KCNIP4: variants seen among roughly 807,000 people sequenced by gnomAD.
KCNIP4 encodes the protein Kv channel-interacting protein 4.
In KCNIP4, 12 loss-of-function variants were observed where a neutral mutation model predicts 34.0. The ratio of observed to expected loss-of-function variants is 0.35; its 90% CI spans 0.23 to 0.57. The LOEUF (loss-of-function observed/expected upper bound fraction) is 0.57. Ranked by LOEUF, KCNIP4 falls within the 20% of genes least tolerant of loss-of-function variation. KCNIP4 has a pLI of 0.83. For synonymous variants in KCNIP4, 124 were observed against 102.2 expected (o/e 1.21, Z -1.29); for missense variants, 238 against 311.7 (o/e 0.76, Z 1.78).
intron 1 of KCNIP4, among the ~76,000 whole-genome samples, chr4:21,617,250 A>G (rs2109164441): frequency 6.6e-6 from 1 of 152,366 alleles, no homozygotes; most frequent in East Asian, 1.9e-4. Context: ...ATAAGAAAGT[A>G]AAATTCATTA....
chr4:20,769,070 G>GC (rs1436319986), intron 3 of KCNIP4, among the ~76,000 whole-genome samples: 1 of 107,842 alleles, frequency 9.3e-6, no homozygotes, highest in African/African-American at 4.1e-5. Context: ...GAGATTTACA[G>GC]CCAAAAAAAA....
chr4:21,421,131 G>T (rs116462005), intron 1 of KCNIP4, among the ~76,000 whole-genome samples: 1,546 of 152,212 alleles, frequency 0.01, 27 homozygotes, highest in African/African-American at 0.035. Flanking sequence ...AAAGAGAAAA[G>T]ATAGCTAGTG....
chr4:21,827,422 T>C (rs1390170346), intron 1 of KCNIP4, among the ~76,000 whole-genome samples: 1 of 151,986 alleles, frequency 6.6e-6, no homozygotes, highest in Non-Finnish European at 1.5e-5. Flanking sequence ...GAAGAAACAG[T>C]CCTAAGGCTT....
At chr4:21,279,575 A>T (rs149210729) in intron 1 of KCNIP4, among the ~76,000 whole-genome samples, 2,664 of 150,878 alleles carry the variant, frequency 0.018, 69 homozygotes, top group African/African-American at 0.061. Flanking sequence ...TAGAAACAAG[A>T]GCTAATATTA....
At chr4:21,776,234 C>A (rs1440380868) in intron 1 of KCNIP4, among the ~76,000 whole-genome samples, 5 of 152,184 alleles carry the variant, frequency 3.3e-5, no homozygotes, top group Non-Finnish European at 5.9e-5. Flanking sequence ...CCTCACTGTT[C>A]TTCCTTCTCT....
chr4:20,844,420 C>T (rs9994494), intron 3 of KCNIP4, among the ~76,000 whole-genome samples: 2,661 of 152,264 alleles, frequency 0.017, 72 homozygotes, highest in African/African-American at 0.057. Context: ...CTGAACAAAA[C>T]CAATTATTAC....
chr4:21,584,827 T>C (rs1741491197), intron 1 of KCNIP4, among the ~76,000 whole-genome samples: 1 of 152,050 alleles, frequency 6.6e-6, no homozygotes, highest in African/African-American at 2.4e-5. Flanking sequence ...GGGAGAAAAG[T>C]GCGAATTTGA....
chr4:21,948,489 G>T, intron 1 of KCNIP4, 82 bp downstream of exon 1: 1 of 1,462,098 alleles, frequency 6.8e-7, no homozygotes, highest in Non-Finnish European at 9.3e-7. Context: ...CCCCAGCCGA[G>T]GAAGGGAAGG....
chr4:21,741,657 C>T (rs60148141), intron 1 of KCNIP4, among the ~76,000 whole-genome samples: 3 of 152,108 alleles, frequency 2.0e-5, no homozygotes, highest in East Asian at 1.9e-4. Context: ...AAGACAGAAG[C>T]GTATTTATAG....
intron 1 of KCNIP4, among the ~76,000 whole-genome samples, chr4:21,116,857 C>T (rs1199271516): frequency 6.6e-6 from 1 of 152,202 alleles, no homozygotes; most frequent in South Asian, 2.1e-4. Flanking sequence ...ACCTTCATAA[C>T]CAGAAAAATA....
At chr4:21,092,464 TC>T (rs2109047048) in intron 1 of KCNIP4, among the ~76,000 whole-genome samples, 1 of 152,344 alleles carries the variant, frequency 6.6e-6, no homozygotes, top group African/African-American at 2.4e-5. Flanking sequence ...TTGCTTTTCT[TC>T]TTTTATATCT....
chr4:21,479,005 C>T (rs1478219239), intron 1 of KCNIP4, among the ~76,000 whole-genome samples: 2 of 152,160 alleles, frequency 1.3e-5, no homozygotes, highest in African/African-American at 4.8e-5. Context: ...TCCACAAATA[C>T]ATACAGACTA....
At chr4:21,485,323 C>T (rs543951721) in intron 1 of KCNIP4, among the ~76,000 whole-genome samples, 1 of 152,266 alleles carries the variant, frequency 6.6e-6, no homozygotes, top group East Asian at 1.9e-4. Context: ...GCCTAATGTC[C>T]AAAATTCTTA....
At chr4:21,227,603 T>G (rs1758494367) in intron 1 of KCNIP4, among the ~76,000 whole-genome samples, 1 of 152,190 alleles carries the variant, frequency 6.6e-6, no homozygotes, top group African/African-American at 2.4e-5. Flanking sequence ...TCTGTTCATT[T>G]ATCTTAAGTT....
intron 1 of KCNIP4, among the ~76,000 whole-genome samples, chr4:21,465,675 T>C (rs1729860328): frequency 6.6e-6 from 1 of 152,126 alleles, no homozygotes; most frequent in Non-Finnish European, 1.5e-5. Context: ...TCTTTTAATT[T>C]GGAGACCAGG....
intron 1 of KCNIP4, among the ~76,000 whole-genome samples, chr4:21,681,883 T>TA (rs1340161242): frequency 3.4e-5 from 5 of 146,046 alleles, no homozygotes; most frequent in Non-Finnish European, 7.4e-5. Context: ...CTTTTTTTTT[T>TA]ATTTTTATTT....
chr4:20,780,331 G>A (rs1345776954), intron 3 of KCNIP4, among the ~76,000 whole-genome samples: 4 of 152,142 alleles, frequency 2.6e-5, no homozygotes, highest in Non-Finnish European at 5.9e-5. Flanking sequence ...GAATGGAAAA[G>A]AAAATAATGG....
rs574364331 is a variant in KCNIP4 at position 20,990,802 on chromosome 4, A to G, written c.62-108093T>C. Among the ~76,000 whole-genome samples, 9 of 152,132 alleles carry G rather than the reference A, an allele frequency of 5.9e-5. No individual in the cohort carries two copies. In the South Asian group the frequency reaches 1.9e-3, roughly 32 times the overall value. On this transcript the variant is annotated intron_variant, in intron 1 of 8. Coordinates refer to ENST00000382152, the MANE Select transcript of KCNIP4 (RefSeq NM_025221.6). ...TGGCTCTCCTGTCATATCCCTTTTG[A>G]TGTAATCTCTCTGTAATAGGTGTCT...
At chr4:21,345,175 G>T (rs549681266) in intron 1 of KCNIP4, among the ~76,000 whole-genome samples, 1 of 152,020 alleles carries the variant, frequency 6.6e-6, no homozygotes, top group African/African-American at 2.4e-5. Context: ...CTCCTTCTTG[G>T]ATCTTGCTCT....
Sources: allele counts gnomAD v4.1 joint callset (sites outside exome capture counted in the v4.1 genomes callset), GRCh38; gene constraint gnomAD v4.1.1; transcripts MANE v1.5; gene names NCBI Gene and HGNC (gene_info 2026-07-23, HGNC 2026-07-21).